The following CTNNA1 variants were observed in gnomAD, a reference collection of about 807,000 sequenced individuals.
The protein encoded by CTNNA1 is catenin alpha 1.
In CTNNA1, 37 loss-of-function variants were observed where a neutral mutation model predicts 98.4. The observed-to-expected ratio is 0.38, with a 90% confidence interval of 0.29 to 0.49. The LOEUF (loss-of-function observed/expected upper bound fraction) is 0.49, where lower values mean the gene tolerates loss of function less well. Among genes scored for constraint, CTNNA1 ranks in the 20% least tolerant of loss-of-function variants. The pLI is 0.95. For missense variants in CTNNA1, 761 were observed against 1,147.2 expected, an observed-to-expected ratio of 0.66 and a Z score of 4.86; for synonymous variants, 404 against 413.2, an observed-to-expected ratio of 0.98 and a Z score of 0.27.
chr5:138,913,563 G>C (rs1458644605), intron 10 of CTNNA1, among the ~76,000 whole-genome samples: 1 of 148,730 alleles, frequency 6.7e-6, no homozygotes, highest in African/African-American at 2.5e-5. Flanking sequence ...CAGCCTGGGC[G>C]ATAGAGGGAG....
chr5:138,847,296 G>A (rs1374496911), intron 7 of CTNNA1, among the ~76,000 whole-genome samples: 1 of 78,562 alleles, frequency 1.3e-5, no homozygotes, highest in East Asian at 1.5e-3. Flanking sequence ...TAAAGCCGGC[G>A]TAGTCCCTCC....
chr5:138,903,393 CA>C (rs1308830796), intron 9 of CTNNA1, among the ~76,000 whole-genome samples: 5 of 152,192 alleles, frequency 3.3e-5, no homozygotes, highest in Non-Finnish European at 7.3e-5. Context: ...CTCTGATATT[CA>C]ACTGCCTACG....
At chr5:138,920,578 C>A (rs1762726057) in intron 11 of CTNNA1, among the ~76,000 whole-genome samples, 1 of 152,226 alleles carries the variant, frequency 6.6e-6, no homozygotes, top group African/African-American at 2.4e-5. Context: ...AAATGAACAG[C>A]AGGGATGCAC....
At chr5:138,904,154 T>C (rs1419909370) in intron 9 of CTNNA1, among the ~76,000 whole-genome samples, 195 bp from the exon 10 acceptor site, 1 of 152,250 alleles carries the variant, frequency 6.6e-6, no homozygotes, top group Non-Finnish European at 1.5e-5. Flanking sequence ...ATGTATGTTA[T>C]GAGTCTGTAT....
At chr5:138,768,413 C>T (rs1241771781) in intron 1 of CTNNA1, among the ~76,000 whole-genome samples, 1 of 151,882 alleles carries the variant, frequency 6.6e-6, no homozygotes, top group East Asian at 1.9e-4. Flanking sequence ...TGCACACCAC[C>T]ACACCCAGCT....
chr5:138,772,811 AC>A, intron 1 of CTNNA1, among the ~76,000 whole-genome samples: 2 of 150,574 alleles, frequency 1.3e-5, no homozygotes, highest in Non-Finnish European at 3.0e-5. Context: ...ATAGAATTCA[AC>A]TTCTTTCATT....
intron 3 of CTNNA1, among the ~76,000 whole-genome samples, chr5:138,799,446 A>G (rs1231054819): frequency 3.9e-5 from 6 of 152,070 alleles, no homozygotes; most frequent in Non-Finnish European, 7.4e-5. Flanking sequence ...AGGCGTGACC[A>G]CCATACCTGG....
rs1291770842 is a variant in CTNNA1 at position 138,874,592 on chromosome 5, G to T, written c.1063-11620G>T. 8 of 1,346,788 alleles carry T rather than the reference G, an allele frequency of 5.9e-6. No individual in the cohort carries two copies. The Admixed American group carries it at 1.3e-4, about 22-fold the overall frequency. The allele number at this position is 1,346,788 out of a possible 1,614,324, so 83.4% of individuals were successfully genotyped here. On this transcript the variant is annotated intron_variant, in intron 7 of 17. Coordinates refer to ENST00000302763, the MANE Select transcript of CTNNA1 (RefSeq NM_001903.5). This position sits in a 1 kb window ranked among gnomAD's most constrained non-coding sequence, Gnocchi z 4.1. ...TAATTTAAGGAAAACAAGAAGATAG[G>T]ATATTTTTCAGCAGAACATATGGGC...
At chr5:138,833,690 G>A (rs28363416) in intron 7 of CTNNA1, among the ~76,000 whole-genome samples, 1 of 152,274 alleles carries the variant, frequency 6.6e-6, no homozygotes, top group East Asian at 1.9e-4. Context: ...TAGATGAGAG[G>A]TTAGGATCAA....
At chr5:138,918,005 T>C in intron 11 of CTNNA1, 107 bp downstream of exon 11, 1 of 1,151,286 alleles carries the variant, frequency 8.7e-7, no homozygotes, top group African/African-American at 1.5e-5. Flanking sequence ...TAAATTATTC[T>C]AACAATAATA....
chr5:138,841,263 A>G (rs1017623691), intron 7 of CTNNA1, among the ~76,000 whole-genome samples: 3 of 151,858 alleles, frequency 2.0e-5, no homozygotes, highest in African/African-American at 7.3e-5. Flanking sequence ...GTATGTATGT[A>G]TTTATTTATT....
intron 9 of CTNNA1, among the ~76,000 whole-genome samples, chr5:138,890,902 C>T (rs965384605): frequency 7.9e-5 from 12 of 152,110 alleles, no homozygotes; most frequent in Non-Finnish European, 1.3e-4. Flanking sequence ...GGACAAAGAC[C>T]AGACCAGACA....
intron 17 of CTNNA1, 79 bp from the exon 18 acceptor site, chr5:138,933,723 C>T: frequency 6.8e-7 from 1 of 1,466,238 alleles, no homozygotes; most frequent in Non-Finnish European, 9.3e-7. Flanking sequence ...TAGGGGGCTC[C>T]CCTTCAAGCA....
chr5:138,874,966 T>C lies in CTNNA1; in HGVS notation c.1063-11246T>C. 1 of 1,605,532 alleles carries C rather than the reference T, an allele frequency of 6.2e-7. No individual in the cohort carries two copies. The highest frequency in any genetic ancestry group is 2.2e-5 in the East Asian group (1 of 44,828). On this transcript the variant is annotated intron_variant, in intron 7 of 17. Transcript: ENST00000302763. The surrounding 1 kb of genome is among the most constrained non-coding windows in gnomAD (Gnocchi z 4.1). Reference sequence around the variant, plus strand: ...GTCGCGGTTGTTAGACTCAACGCAGTGAGTCTGTAAAAGGCTCTAACATGT... The same window carrying C: ...GTCGCGGTTGTTAGACTCAACGCAGCGAGTCTGTAAAAGGCTCTAACATGT...
At chr5:138,807,831 T>G (rs1758256343) in intron 3 of CTNNA1, among the ~76,000 whole-genome samples, 1 of 152,138 alleles carries the variant, frequency 6.6e-6, no homozygotes, top group African/African-American at 2.4e-5. Context: ...CACTGCAACC[T>G]CCGCCTCCCA....
intron 3 of CTNNA1, 28 bp from the exon 4 acceptor site, chr5:138,810,010 T>C: frequency 6.3e-7 from 1 of 1,577,368 alleles, no homozygotes; most frequent in Non-Finnish European, 8.7e-7. Flanking sequence ...TCATTCTTGC[T>C]GAGTTTGTTT....
chr5:138,929,326 C>T lies in CTNNA1; in HGVS notation c.1980C>T (p.Asp660=), dbSNP rs749260291. Residue 660 remains aspartate, a synonymous_variant, in exon 14 of 18, where the codon GAC becomes GAT. Coordinates refer to ENST00000302763, the MANE Select transcript of CTNNA1 (RefSeq NM_001903.5). ...GCAGGACGAGCGTCCAGACAGAAGACGATCAGCTGATAGCTGGCCAGAGTG... is the reference window on the plus strand; with the variant it reads ...GCAGGACGAGCGTCCAGACAGAAGATGATCAGCTGATAGCTGGCCAGAGTG... ...VRSRTSVQTE[D]DQLIAGQSAR... 9 of 1,607,934 alleles carry T rather than the reference C, an allele frequency of 5.6e-6. No homozygotes were observed. Among genetic ancestry groups the T allele is most frequent in the Admixed American group, 1.7e-5 (1 of 60,006 alleles).
intron 16 of CTNNA1, chr5:138,931,858 C>G: frequency 1.0e-6 from 1 of 985,498 alleles, no homozygotes; most frequent in Non-Finnish European, 1.2e-6. Flanking sequence ...TTTGCTCCAG[C>G]CTCACTGGAA....
intron 16 of CTNNA1, chr5:138,932,212 T>TTGTTCTCACCTCGAGGGGCATGGGC (rs1765506004): frequency 9.6e-7 from 1 of 1,038,904 alleles, no homozygotes; most frequent in South Asian, 4.3e-5. Flanking sequence ...CTGAGCCGGC[T>TTGTTCTCACCTCGAGGGGCATGGGC]TGTTCTCACC....
Sources: gnomAD v4.1 joint callset for allele counts (sites outside exome capture counted in the v4.1 genomes callset) on GRCh38, gnomAD v4.1.1 for gene constraint, Gnocchi (gnomAD v3.1) non-coding constraint, MANE v1.5 for transcripts, NCBI Gene and HGNC (gene_info 2026-07-23, HGNC 2026-07-21) for gene names.